SPNS3: variants seen among roughly 807,000 people sequenced by gnomAD.
SPNS3 encodes SPNS lysolipid transporter 3, sphingosine-1-phosphate (putative), also known as protein spinster homolog 3.
A neutral mutation model predicts 54.4 loss-of-function variants in SPNS3; 51 were observed. The ratio of observed to expected loss-of-function variants is 0.94; its 90% CI spans 0.75 to 1.18. SPNS3 has a LOEUF of 1.18. SPNS3 is among the 50% of genes most tolerant of loss of function. The probability of loss-of-function intolerance (pLI) is 0.00; values close to 1 mark genes in which losing one functional copy is unlikely to be tolerated. For synonymous variants in SPNS3, 309 were observed against 294.7 expected (o/e 1.05, Z -0.50); for missense variants, 669 against 677.4 (o/e 0.99, Z 0.14).
intron 8 of SPNS3, among the ~76,000 whole-genome samples, chr17:4,460,964 G>A (rs1971482621): frequency 3.9e-5 from 6 of 152,250 alleles, no homozygotes; most frequent in Admixed American, 2.6e-4. Context: ...AGTCACCAGC[G>A]AAGCCATCTG....
chr17:4,475,443 C>T (rs1180918491), intron 8 of SPNS3, among the ~76,000 whole-genome samples: 3 of 152,156 alleles, frequency 2.0e-5, no homozygotes, highest in Non-Finnish European at 4.4e-5. Flanking sequence ...ATTCGAGGAA[C>T]GTGCGGATGC....
intron 8 of SPNS3, among the ~76,000 whole-genome samples, chr17:4,465,322 T>C (rs4350627): frequency 0.99 from 150,137 of 152,310 alleles, 74,022 homozygotes; most frequent in African/African-American, 1. Flanking sequence ...TAGAACTGTG[T>C]TGCCTTTTAT....
intron 3 of SPNS3, among the ~76,000 whole-genome samples, chr17:4,445,631 C>T (rs963584860): frequency 1.3e-5 from 2 of 152,172 alleles, no homozygotes; most frequent in African/African-American, 2.4e-5. Context: ...CCCACCTCGG[C>T]CTCCTAAAGT....
chr17:4,460,135 G>A (rs1261122232), intron 8 of SPNS3, among the ~76,000 whole-genome samples: 9 of 152,132 alleles, frequency 5.9e-5, no homozygotes, highest in East Asian at 1.9e-4. Flanking sequence ...ACAACAAGGC[G>A]GCTACTGTGA....
rs557647527 is a variant in SPNS3 at position 4,475,687 on chromosome 17, G to A, written c.1114-2885G>A. 3.9e-5 allele frequency among the ~76,000 whole-genome samples: 6 copies of A among 152,334 alleles called. No individual in the cohort carries two copies. The East Asian group carries it at 9.7e-4, about 25-fold the overall frequency. On this transcript the variant is annotated intron_variant, in intron 8 of 11. Coordinates refer to ENST00000355530, the MANE Select transcript of SPNS3 (RefSeq NM_182538.5). ...GGGGACAGGGGAGAGAATGAGTTTA[G>A]GCAGCTGTTCAGTGTGAGGTGCCTG...
chr17:4,469,408 C>G (rs894156953), intron 8 of SPNS3, among the ~76,000 whole-genome samples: 25 of 152,220 alleles, frequency 1.6e-4, no homozygotes, highest in Admixed American at 8.5e-4. Context: ...TATTAAGAGG[C>G]AATTGGGCCG....
intron 8 of SPNS3, among the ~76,000 whole-genome samples, chr17:4,458,869 A>G (rs12951812): frequency 0.13 from 19,763 of 151,654 alleles, 1,585 homozygotes; most frequent in Non-Finnish European, 0.18. Flanking sequence ...AAAGCCTCGC[A>G]TGGCTCCCTG....
intron 7 of SPNS3, 99 bp downstream of exon 7, chr17:4,449,486 G>A (rs1421057147): frequency 2.9e-6 from 4 of 1,365,658 alleles, no homozygotes; most frequent in Middle Eastern, 2.6e-4. Flanking sequence ...TTCTTGGGGT[G>A]GGGCATTTGG....
chr17:4,446,153 C>G lies in SPNS3; in HGVS notation c.508C>G (p.Arg170Gly), dbSNP rs377491047. Residue 170 changes from arginine to glycine, a missense_variant, in exon 4 of 12, where the codon CGC (arginine) becomes GGC (glycine). Coordinates refer to ENST00000355530, the MANE Select transcript of SPNS3 (RefSeq NM_182538.5). Reference protein sequence around the residue: ...VLGDLFVRDQRTRVLAVFYIF... With the variant: ...VLGDLFVRDQGTRVLAVFYIF... ...GGGCGACCTCTTCGTGAGGGACCAG[C>G]GCACCCGCGTGCTGGCTGTCTTCTA... is the stretch of plus-strand genomic sequence containing the variant. 6.2e-7 allele frequency: 1 copy of G among 1,613,422 alleles called. No individual in the cohort carries two copies. Among genetic ancestry groups the G allele is most frequent in the Admixed American group, 1.7e-5 (1 of 59,982 alleles).
chr17:4,475,934 TAAC>T (rs1340563147), intron 8 of SPNS3, among the ~76,000 whole-genome samples: 1 of 152,156 alleles, frequency 6.6e-6, no homozygotes, highest in Admixed American at 6.5e-5. Flanking sequence ...GTTACCATCT[TAAC>T]AAGCAGGGGC....
At chr17:4,434,217 C>A in intron 1 of SPNS3, 51 bp downstream of exon 1, 1 of 1,514,374 alleles carries the variant, frequency 6.6e-7, no homozygotes, top group African/African-American at 1.4e-5. Context: ...TGCCCACCAG[C>A]CAGGGGCTGC....
At position 4,486,313 on chromosome 17, in the gene SPNS3, A is replaced by G. The variant is rs148783300; in HGVS notation, c.1265A>G (p.Tyr422Cys). The change falls in exon 10 of 12, where the codon TAT becomes TGT. Residue 422 changes from tyrosine to cysteine, a missense_variant. Tyr to Cys is a radical substitution (Grantham distance 194). Coordinates refer to ENST00000355530, the MANE Select transcript of SPNS3 (RefSeq NM_182538.5). This position sits in a 1 kb window ranked among gnomAD's most constrained non-coding sequence, Gnocchi z 5.5. ...ATCCTGGGAGACGCTGGCAGCCCCTATCTCACAGGACTTGTAAGACGTGTC... is the reference window on the plus strand; with the variant it reads ...ATCCTGGGAGACGCTGGCAGCCCCTGTCTCACAGGACTTGTAAGACGTGTC... ...GHILGDAGSP[Y>C]LTGLISSVLR... The G allele has an allele frequency of 1.2e-4, 186 of 1,598,084 alleles. No homozygotes were observed. Among genetic ancestry groups the G allele is most frequent in the Non-Finnish European group, 1.4e-4 (170 of 1,174,398 alleles).
intron 5 of SPNS3, among the ~76,000 whole-genome samples, chr17:4,447,642 C>A (rs935916948): frequency 6.6e-6 from 1 of 152,130 alleles, no homozygotes; most frequent in Non-Finnish European, 1.5e-5. Context: ...CAGGTCTGAC[C>A]TGGCTTGAAT....
Position 4,446,961 on chromosome 17 carries a change from G to A in SPNS3, c.620G>A (p.Arg207Gln), listed in dbSNP as rs746083299. Residue 207 changes from arginine to glutamine, a missense_variant and splice_region_variant, in exon 5 of 12, where the codon CGA (arginine) becomes CAA (glutamine). Coordinates refer to ENST00000355530, the MANE Select transcript of SPNS3 (RefSeq NM_182538.5). The stretch of plus-strand genomic sequence containing the variant: ...ACTGGGAACTGGCGCTGGGCCCTCC[G>A]AGTGAGTCCAGCTTCCTTTTCTTCC... ...MLTGNWRWALRVMPCLEAVAL... is the reference protein window; with the variant it reads ...MLTGNWRWALQVMPCLEAVAL... 1.1e-5 allele frequency: 17 copies of A among 1,613,954 alleles called. No homozygotes were observed. The highest frequency in any genetic ancestry group is 4.4e-5 in the South Asian group (4 of 91,086).
intron 9 of SPNS3, among the ~76,000 whole-genome samples, chr17:4,485,450 T>C (rs1055205602): frequency 1.3e-5 from 2 of 151,938 alleles, no homozygotes; most frequent in Admixed American, 6.6e-5. Flanking sequence ...CAGGTTGGAT[T>C]GCAGTGGTAC....
chr17:4,450,527 C>A (rs995597570), intron 7 of SPNS3, among the ~76,000 whole-genome samples: 1 of 152,064 alleles, frequency 6.6e-6, no homozygotes, highest in Non-Finnish European at 1.5e-5. Context: ...AATCCTCCCA[C>A]CTCAGCCTCC....
intron 8 of SPNS3, among the ~76,000 whole-genome samples, chr17:4,454,072 AG>A (rs1202573723): frequency 1.3e-5 from 2 of 152,094 alleles, no homozygotes; most frequent in Non-Finnish European, 2.9e-5. Flanking sequence ...CTCAACTCAA[AG>A]TCCGCTTCCT....
chr17:4,483,374 C>G lies in SPNS3; in HGVS notation c.1180-2854C>G, dbSNP rs6502792. On this transcript the variant is annotated intron_variant, in intron 9 of 11. Transcript: ENST00000355530. The surrounding 1 kb of genome is among the most constrained non-coding windows in gnomAD (Gnocchi z 4.2). ...TTTCTGAAATTACCCCCTGGGCTCT[C>G]CAGCTTCTGTGGGCCCAGCCTTGGC... 77,151 of 152,168 alleles carry G rather than the reference C, an allele frequency of 0.51. 20,369 individuals carry two copies. The highest frequency in any genetic ancestry group is 0.89 in the East Asian group (4,624 of 5,178). 9.4% of individuals were successfully genotyped at this position (152,168 alleles called of 1,614,324 possible).
At chr17:4,462,810 T>TATCC (rs147800983) in intron 8 of SPNS3, among the ~76,000 whole-genome samples, 10 of 40,142 alleles carry the variant, frequency 2.5e-4, no homozygotes, top group African/African-American at 1.0e-3. Context: ...TCCACCAATC[T>TATCC]ATCCATCCAT....
Sources: gnomAD v4.1 joint callset for allele counts (sites outside exome capture counted in the v4.1 genomes callset) on GRCh38, gnomAD v4.1.1 for gene constraint, Gnocchi (gnomAD v3.1) non-coding constraint, MANE v1.5 for transcripts, NCBI Gene and HGNC (gene_info 2026-07-23, HGNC 2026-07-21) for gene names.